The following FLVCR1 variants were observed in gnomAD, a reference collection of about 807,000 sequenced individuals.
FLVCR1 encodes the protein FLVCR choline and heme transporter 1.
FLVCR1 carries 34 observed loss-of-function variants against 53.6 expected under a neutral mutation model. The ratio of observed to expected loss-of-function variants is 0.63; its 90% CI spans 0.48 to 0.84. The LOEUF is 0.84. Among genes scored for constraint, FLVCR1 ranks in the 40% least tolerant of loss-of-function variants. The probability of loss-of-function intolerance (pLI) is 0.00; values close to 1 mark genes in which losing one functional copy is unlikely to be tolerated. For synonymous variants in FLVCR1, 300 were observed against 286.3 expected (o/e 1.05, Z -0.48); for missense variants, 677 against 696.7 (o/e 0.97, Z 0.32).
chr1:212,874,524 T>TCC (rs1215470927), intron 3 of FLVCR1, among the ~76,000 whole-genome samples: 1 of 78,528 alleles, frequency 1.3e-5, no homozygotes, highest in Non-Finnish European at 2.9e-5. Context: ...TTTTCTTTTT[T>TCC]TCTTTTTTTT....
intron 4 of FLVCR1, among the ~76,000 whole-genome samples, chr1:212,884,730 TAG>T (rs1572024618): frequency 6.6e-6 from 1 of 152,304 alleles, no homozygotes; most frequent in East Asian, 1.9e-4. Flanking sequence ...GTGAATATCA[TAG>T]AGTGTACTTA....
At chr1:212,878,460 G>A (rs1045581979) in intron 3 of FLVCR1, among the ~76,000 whole-genome samples, 2 of 149,166 alleles carry the variant, frequency 1.3e-5, no homozygotes, top group Admixed American at 1.4e-4. Context: ...GGCACTTGCA[G>A]TAAGTCCGCT....
chr1:212,863,910 A>G (rs374744432), intron 2 of FLVCR1, 41 bp downstream of exon 2: 4 of 1,557,288 alleles, frequency 2.6e-6, no homozygotes, highest in South Asian at 1.1e-5. Context: ...TGAATGCATG[A>G]TAGAAATTTG....
chr1:212,895,366 G>A lies in FLVCR1; in HGVS notation c.*76G>A, dbSNP rs1665306743. On this transcript the variant is annotated 3_prime_UTR_variant, in exon 10 of 10. Coordinates refer to ENST00000366971, the MANE Select transcript of FLVCR1 (RefSeq NM_014053.4). The stretch of plus-strand genomic sequence containing the variant: ...CCTTGGAGAGAGATGTGAGCACCAA[G>A]GCTGGGTTTGTATGTGGTGGGGGAA... The A allele has an allele frequency of 3.6e-6, 4 of 1,121,926 alleles. No individual in the cohort carries two copies. In the South Asian group the frequency reaches 5.0e-5, roughly 14 times the overall value. The allele number at this position is 1,121,926 out of a possible 1,614,324, so 69.5% of individuals were successfully genotyped here.
chr1:212,874,009 T>G (rs1664679115), intron 3 of FLVCR1, among the ~76,000 whole-genome samples: 1 of 152,192 alleles, frequency 6.6e-6, no homozygotes, highest in Non-Finnish European at 1.5e-5. Context: ...GTTTTTTTCC[T>G]GGAATGTATT....
At chr1:212,886,981 C>T (rs544448693) in intron 5 of FLVCR1, among the ~76,000 whole-genome samples, 1 of 151,990 alleles carries the variant, frequency 6.6e-6, no homozygotes, top group Admixed American at 6.6e-5. Context: ...CCAAAACTTA[C>T]CCCTGTACTT....
intron 3 of FLVCR1, among the ~76,000 whole-genome samples, chr1:212,880,584 G>A (rs897766116): frequency 6.6e-6 from 1 of 152,106 alleles, no homozygotes; most frequent in African/African-American, 2.4e-5. Flanking sequence ...GATCACCTGA[G>A]GTCAGGAATT....
At chr1:212,890,795 A>C (rs1436969563) in intron 8 of FLVCR1, among the ~76,000 whole-genome samples, 1 of 152,246 alleles carries the variant, frequency 6.6e-6, no homozygotes, top group African/African-American at 2.4e-5. Flanking sequence ...ATACCTGATC[A>C]TTCTTTGTGA....
chr1:212,863,897 A>T, intron 2 of FLVCR1, 28 bp downstream of exon 2: 1 of 1,586,760 alleles, frequency 6.3e-7, no homozygotes, highest in Non-Finnish European at 8.7e-7. Flanking sequence ...CCTAAAGCTT[A>T]AATGAATGCA....
intron 3 of FLVCR1, among the ~76,000 whole-genome samples, chr1:212,873,930 T>C (rs1572016573): frequency 6.6e-6 from 1 of 152,212 alleles, no homozygotes; most frequent in African/African-American, 2.4e-5. Flanking sequence ...ACCCATATCC[T>C]GTGTATGGCA....
intron 2 of FLVCR1, among the ~76,000 whole-genome samples, chr1:212,867,464 T>A (rs1664471576): frequency 6.6e-6 from 1 of 152,246 alleles, no homozygotes; most frequent in African/African-American, 2.4e-5. Flanking sequence ...TAGTTAAATC[T>A]AATTTGTCCA....
intron 4 of FLVCR1, among the ~76,000 whole-genome samples, chr1:212,884,167 C>T (rs41300025): frequency 1.4e-3 from 214 of 152,114 alleles, no homozygotes; most frequent in African/African-American, 4.0e-3. Context: ...GGCATGGTGG[C>T]GCATGCCTGT....
chr1:212,867,243 A>G (rs1170360790), intron 2 of FLVCR1, among the ~76,000 whole-genome samples: 1 of 152,226 alleles, frequency 6.6e-6, no homozygotes, highest in Non-Finnish European at 1.5e-5. Flanking sequence ...TAGTGTTTCC[A>G]GGAATTAACC....
chr1:212,888,026 G>C (rs376913718), intron 6 of FLVCR1, 25 bp downstream of exon 6: 70 of 1,230,078 alleles, frequency 5.7e-5, no homozygotes, highest in Non-Finnish European at 7.7e-5. Context: ...TGTTTAGGAG[G>C]AATGATAGCA....
At chr1:212,886,404 A>G (rs1365238237) in intron 5 of FLVCR1, among the ~76,000 whole-genome samples, 3 of 152,124 alleles carry the variant, frequency 2.0e-5, no homozygotes, top group Non-Finnish European at 4.4e-5. Context: ...GTTCTTTCCA[A>G]TCAAAAAATT....
rs1271303812 is a variant in FLVCR1 at position 212,899,299 on chromosome 1, C to G, written c.*4009C>G. 6.6e-6 allele frequency: 1 copy of G among 152,156 alleles called. No homozygotes were observed. The highest frequency in any genetic ancestry group is 2.4e-5 in the African/African-American group (1 of 41,434). 9.4% of individuals were successfully genotyped at this position (152,156 alleles called of 1,614,324 possible). The stretch of plus-strand genomic sequence containing the variant: ...CATGTTCTAATTTTTGTTCTTTGTA[C>G]TATTTATCTGTATGCTTGTTCTTCA... On this transcript the variant is annotated 3_prime_UTR_variant, in exon 10 of 10. Coordinates refer to ENST00000366971, the MANE Select transcript of FLVCR1 (RefSeq NM_014053.4).
chr1:212,891,506 A>G (rs892616203), intron 8 of FLVCR1, among the ~76,000 whole-genome samples: 6 of 152,242 alleles, frequency 3.9e-5, no homozygotes, highest in Non-Finnish European at 8.8e-5. Context: ...TCCTCCTTCA[A>G]ATTACTTTTA....
intron 4 of FLVCR1, among the ~76,000 whole-genome samples, chr1:212,884,730 T>C (rs1665016447): frequency 1.3e-5 from 2 of 152,186 alleles, no homozygotes; most frequent in Admixed American, 6.5e-5. Flanking sequence ...GTGAATATCA[T>C]AGAGTGTACT....
intron 8 of FLVCR1, among the ~76,000 whole-genome samples, chr1:212,894,110 A>AT (rs34844418): frequency 0.39 from 59,077 of 149,904 alleles, 12,915 homozygotes; most frequent in South Asian, 0.52. Context: ...ATGTAGATTG[A>AT]TTTTTTTTTT....
Sources: gnomAD v4.1 joint callset for allele counts (sites outside exome capture counted in the v4.1 genomes callset) on GRCh38, gnomAD v4.1.1 for gene constraint, MANE v1.5 for transcripts, NCBI Gene and HGNC (gene_info 2026-07-23, HGNC 2026-07-21) for gene names.